Variants in GK observed in about 807,000 individuals in gnomAD.
GK encodes the protein ATP:glycerol 3-phosphotransferase.
Under a neutral mutation model 56.4 loss-of-function variants are expected in GK, and 9 were observed. The observed-to-expected ratio is 0.16, with a 90% CI of 0.10 to 0.28. GK has a LOEUF of 0.28. Among genes scored for constraint, GK ranks in the 10% least tolerant of loss-of-function variants. The pLI is 1.00. For synonymous variants in GK, 104 were observed against 144.1 expected (o/e 0.72, Z 1.99); for missense variants, 161 against 431.4 (o/e 0.37, Z 5.55).
intron 13 of GK, among the ~76,000 whole-genome samples, chrX:30,713,291 G>A (rs768935855): frequency 1.9e-4 from 21 of 111,610 alleles, no homozygotes; most frequent in African/African-American, 6.5e-4. Flanking sequence ...CCTACTCCCT[G>A]ACACATATAG....
At chrX:30,723,634 T>C (rs2084652163) in intron 18 of GK, 1 of 151,520 alleles carries the variant, frequency 6.6e-6, no homozygotes, top group South Asian at 1.7e-4. Flanking sequence ...TTTGTTTGTT[T>C]GTTTTTGGGA....
chrX:30,713,630 G>C (rs1268513900), intron 13 of GK, among the ~76,000 whole-genome samples: 1 of 111,757 alleles, frequency 8.9e-6, no homozygotes, highest in African/African-American at 3.3e-5. Flanking sequence ...AAAAGAAATA[G>C]GTGTTCATGA....
intron 11 of GK, among the ~76,000 whole-genome samples, chrX:30,704,129 T>TATATAC (rs1491144154): frequency 3.6e-4 from 6 of 16,511 alleles, no homozygotes; most frequent in African/African-American, 6.7e-4. Context: ...TTATTCATTT[T>TATATAC]ATATATATAT....
At chrX:30,699,226 A>G (rs1935444186) in intron 9 of GK, among the ~76,000 whole-genome samples, 1 of 99,532 alleles carries the variant, frequency 1.0e-5, no homozygotes, top group East Asian at 3.0e-4. Flanking sequence ...CATGTTATAT[A>G]TACATGTTAT....
chrX:30,664,100 AT>A (rs11306027), intron 1 of GK, among the ~76,000 whole-genome samples: 3,912 of 24,780 alleles, frequency 0.16, 669 homozygotes, highest in Admixed American at 0.17. Flanking sequence ...ATCTATATAT[AT>A]TTTATAGATA....
intron 1 of GK, among the ~76,000 whole-genome samples, chrX:30,654,957 C>T (rs113169824): frequency 1.2e-4 from 13 of 111,769 alleles, no homozygotes; most frequent in African/African-American, 3.6e-4. Flanking sequence ...TATACATAGG[C>T]ATTATACATA....
At chrX:30,699,811 T>C (rs763872450) in intron 9 of GK, among the ~76,000 whole-genome samples, 1 of 111,736 alleles carries the variant, frequency 8.9e-6, no homozygotes, top group African/African-American at 3.2e-5. Flanking sequence ...GCCATCATGA[T>C]CAAAATAAAA....
intron 13 of GK, among the ~76,000 whole-genome samples, chrX:30,712,793 C>T (rs1306652546): frequency 3.2e-5 from 3 of 95,147 alleles, no homozygotes; most frequent in Non-Finnish European, 6.1e-5. Flanking sequence ...GGCCTGATCT[C>T]GGCTCACTGC....
chrX:30,708,051 C>A lies in GK; in HGVS notation c.895-3C>A. On this transcript the variant is annotated splice_region_variant and splice_polypyrimidine_tract_variant and intron_variant, in intron 12 of 20. Transcript: ENST00000427190. ...TGAAATCTTTTTTTTTTCTTTCTTA[C>A]AGTGTGTATTTTCTGATCATGGCCT... The A allele has an allele frequency of 9.1e-7, 1 of 1,103,955 alleles. No homozygotes were observed. Among genetic ancestry groups the A allele is most frequent in the Middle Eastern group, 2.9e-4 (1 of 3,486 alleles). 91.0% of individuals were successfully genotyped at this position (1,103,955 alleles called of 1,213,427 possible).
At chrX:30,710,685 T>C (rs1936273912) in intron 13 of GK, among the ~76,000 whole-genome samples, 1 of 111,717 alleles carries the variant, frequency 9.0e-6, no homozygotes, top group Admixed American at 9.5e-5. Flanking sequence ...TTATGCTCTT[T>C]AAAACCTAAA....
At chrX:30,692,804 G>C (rs1038293967) in intron 5 of GK, among the ~76,000 whole-genome samples, 1 of 108,547 alleles carries the variant, frequency 9.2e-6, no homozygotes, top group Non-Finnish European at 1.9e-5. Flanking sequence ...TTTAAAGAAA[G>C]CTAGAAAACC....
intron 6 of GK, 21 bp downstream of exon 6, chrX:30,694,558 T>C (rs1348471019): frequency 8.5e-7 from 1 of 1,175,460 alleles, no homozygotes; most frequent in Non-Finnish European, 1.2e-6. Context: ...ATATAATGGA[T>C]ATATGGAGAA....
intron 1 of GK, among the ~76,000 whole-genome samples, chrX:30,662,809 T>TTCTC (rs368743449): frequency 0.012 from 746 of 62,205 alleles, 18 homozygotes; most frequent in Middle Eastern, 0.021. Flanking sequence ...CCTTCCTTCC[T>TTCTC]TCTCTCTCTC....
chrX:30,675,500 G>A (rs1238320637), intron 3 of GK, among the ~76,000 whole-genome samples: 4 of 104,695 alleles, frequency 3.8e-5, no homozygotes, highest in Non-Finnish European at 7.8e-5. Flanking sequence ...CCCGGCCACA[G>A]AAAATGATTT....
At chrX:30,674,358 A>T in intron 3 of GK, 1 of 329,744 alleles carries the variant, frequency 3.0e-6, no homozygotes, top group Non-Finnish European at 5.9e-6. Context: ...TTAAATCCTC[A>T]CCTTCCTGTT....
At chrX:30,689,347 A>T (rs1934800815) in intron 4 of GK, 3 of 269,357 alleles carry the variant, frequency 1.1e-5, no homozygotes, top group South Asian at 3.4e-5. Flanking sequence ...GGCATGGGAG[A>T]TCTTGCCACC....
At chrX:30,678,309 T>C (rs1350637140) in intron 4 of GK, among the ~76,000 whole-genome samples, 3 of 112,226 alleles carry the variant, frequency 2.7e-5, no homozygotes, top group East Asian at 2.8e-4. Flanking sequence ...TAAATGATCC[T>C]GAGTATATTT....
intron 3 of GK, among the ~76,000 whole-genome samples, chrX:30,669,047 GGAGA>G (rs1226750104): frequency 5.4e-5 from 6 of 110,987 alleles, no homozygotes; most frequent in Non-Finnish European, 1.1e-4. Context: ...CTTTTGCTAA[GGAGA>G]GAAAGACTAG....
At chrX:30,704,994 T>C (rs1935921114) in intron 11 of GK, among the ~76,000 whole-genome samples, 1 of 112,456 alleles carries the variant, frequency 8.9e-6, no homozygotes, top group Admixed American at 9.4e-5. Context: ...AATACAACCA[T>C]CCAGGAATGG....
Sources: gnomAD v4.1 joint callset for allele counts (sites outside exome capture counted in the v4.1 genomes callset) on GRCh38, gnomAD v4.1.1 for gene constraint, MANE v1.5 for transcripts, NCBI Gene and HGNC (gene_info 2026-07-23, HGNC 2026-07-21) for gene names.